BRWD1: variants seen among roughly 807,000 people sequenced by gnomAD.
BRWD1 encodes bromodomain and WD repeat domain containing 1.
In BRWD1, 82 loss-of-function variants were observed where a neutral mutation model predicts 251.2. The observed-to-expected ratio is 0.33, with a 90% confidence interval of 0.27 to 0.39. The LOEUF is 0.39. Ranked by LOEUF, BRWD1 falls within the 10% of genes least tolerant of loss-of-function variation. BRWD1 has a pLI of 1.00. For synonymous variants in BRWD1, 918 were observed against 902.8 expected, an observed-to-expected ratio of 1.02 and a Z score of -0.30; for missense variants, 2,233 against 2,711.6, an observed-to-expected ratio of 0.82 and a Z score of 3.92.
intron 13 of BRWD1, among the ~76,000 whole-genome samples, chr21:39,271,691 C>A (rs1372957109): frequency 1.5e-5 from 1 of 68,062 alleles, no homozygotes; most frequent in Non-Finnish European, 2.6e-5. Context: ...AGCAAGACTC[C>A]GTCTCAAAAA....
In BRWD1 at chr21:39,188,735, T is replaced by C; in HGVS notation, c.*7524A>G. 3 of 985,406 alleles carry C rather than the reference T, an allele frequency of 3.0e-6. No homozygotes were observed. Among genetic ancestry groups the C allele is most frequent in the Non-Finnish European group, 3.6e-6 (3 of 829,912 alleles). 61.0% of individuals were successfully genotyped at this position (985,406 alleles called of 1,614,324 possible). ...ACACTTCTCTAAGATCAGTTGAGCGTTCTCCCCAGAATAGGTTAGGAAATA... is the reference window on the plus strand; with the variant it reads ...ACACTTCTCTAAGATCAGTTGAGCGCTCTCCCCAGAATAGGTTAGGAAATA... On this transcript the variant is annotated 3_prime_UTR_variant, in exon 41 of 41. Transcript: ENST00000342449.
chr21:39,273,003 CAATT>C (rs915385817), intron 13 of BRWD1, among the ~76,000 whole-genome samples: 2 of 152,156 alleles, frequency 1.3e-5, no homozygotes, highest in African/African-American at 4.8e-5. Context: ...ACAGATCAAT[CAATT>C]CTTACATACA....
chr21:39,283,958 C>T lies in BRWD1; in HGVS notation c.832-3710G>A, dbSNP rs148064704. On this transcript the variant is annotated intron_variant, in intron 8 of 40. Coordinates refer to ENST00000342449, the MANE Select transcript of BRWD1 (RefSeq NM_033656.4). ...TCTTTGGCCTAGGATTTTAGGATTC[C>T]GTGCTACAATCTCATGTGTCTACTT... Among the ~76,000 whole-genome samples the T allele has an allele frequency of 2.9e-3, 439 of 152,168 alleles. 2 individuals are homozygous for T. Among genetic ancestry groups the T allele is most frequent in the African/African-American group, 0.01 (416 of 41,534 alleles).
In BRWD1 at chr21:39,292,094, A is replaced by G. The variant is rs1011185766; in HGVS notation, c.831+1717T>C. Among the ~76,000 whole-genome samples the G allele has an allele frequency of 2.9e-5, 3 of 105,024 alleles. No homozygotes were observed. In the Admixed American group the frequency reaches 4.4e-4, roughly 15 times the overall value. 68.9% of individuals were successfully genotyped at this position (105,024 alleles called of 152,430 possible). Reference sequence around the variant, plus strand: ...AGTACCGAGACTACAGGCGTGTGCTACCTTGCCAAACTATTTTTTGTGGGG... The same window carrying G: ...AGTACCGAGACTACAGGCGTGTGCTGCCTTGCCAAACTATTTTTTGTGGGG... On this transcript the variant is annotated intron_variant, in intron 8 of 40. Coordinates refer to ENST00000342449, the MANE Select transcript of BRWD1 (RefSeq NM_033656.4).
At chr21:39,305,506 C>G (rs1601505002) in intron 4 of BRWD1, among the ~76,000 whole-genome samples, 1 of 152,264 alleles carries the variant, frequency 6.6e-6, no homozygotes, top group African/African-American at 2.4e-5. Flanking sequence ...GTCGGTGGAT[C>G]ACCTGAGGTC....
chr21:39,188,752 T>A lies in BRWD1; in HGVS notation c.*7507A>T. The A allele has an allele frequency of 1.0e-6, 1 of 985,324 alleles. No homozygotes were observed. The highest frequency in any genetic ancestry group is 1.1e-4 in the East Asian group (1 of 8,814). 61.0% of individuals were successfully genotyped at this position (985,324 alleles called of 1,614,324 possible). On this transcript the variant is annotated 3_prime_UTR_variant, in exon 41 of 41. Coordinates refer to ENST00000342449, the MANE Select transcript of BRWD1 (RefSeq NM_033656.4). ...GTTGAGCGTTCTCCCCAGAATAGGT[T>A]AGGAAATACTTTATTCAAAGCAACC...
In BRWD1 at chr21:39,278,568, G is replaced by A. The variant is rs187837915; in HGVS notation, c.1003+175C>T. On this transcript the variant is annotated intron_variant, in intron 10 of 40. Transcript: ENST00000342449. ...TACTACCAGAAATCAGAGAAAGGCA[G>A]ACTGGAGGACTGGAAGAACAAGGCT... 699 of 530,064 alleles carry A rather than the reference G, an allele frequency of 1.3e-3. 5 individuals are homozygous for A. Among genetic ancestry groups the A allele is most frequent in the Middle Eastern group, 4.1e-3 (8 of 1,952 alleles). 32.8% of individuals were successfully genotyped at this position (530,064 alleles called of 1,614,324 possible).
At chr21:39,270,082 T>C (rs760542442) in intron 14 of BRWD1, 49 bp from the exon 15 acceptor site, 3 of 1,450,838 alleles carry the variant, frequency 2.1e-6, no homozygotes, top group African/African-American at 1.4e-5. Context: ...AAGTTACAAA[T>C]TGAAAATTTA....
rs2035357723 is a variant in BRWD1 at position 39,278,772 on chromosome 21, A to G, written c.974T>C (p.Val325Ala). 6.3e-7 allele frequency: 1 copy of G among 1,594,386 alleles called. No homozygotes were observed. Among genetic ancestry groups the G allele is most frequent in the African/African-American group, 1.4e-5 (1 of 73,566 alleles). ...ACTAAAAGAAGAACAAAGCATTTGA[A>G]CGCCTGGCCTAGGCTTTTCAGTGAA... The part of the protein sequence containing the change: ...LKFTEKPRPG[V>A]QMLCSSFSVG... Residue 325 changes from valine (V) to alanine (A), a missense_variant, in exon 10 of 41, where the codon GTT becomes GCT. Coordinates refer to ENST00000342449, the MANE Select transcript of BRWD1 (RefSeq NM_033656.4).
At chr21:39,244,921 A>AATATATATATACATATATAT (rs1555859653) in intron 21 of BRWD1, among the ~76,000 whole-genome samples, 1 of 112,524 alleles carries the variant, frequency 8.9e-6, no homozygotes, top group African/African-American at 3.0e-5. Flanking sequence ...CTTTGGAAGA[A>AATATATATATACATATATAT]ATATATATAT....
chr21:39,281,308 G>C (rs1306371591), intron 8 of BRWD1, among the ~76,000 whole-genome samples: 2 of 152,200 alleles, frequency 1.3e-5, no homozygotes, highest in African/African-American at 2.4e-5. Flanking sequence ...AGGGAACCCA[G>C]TTAATCTAAG....
chr21:39,302,138 C>T (rs1233326332), intron 4 of BRWD1, among the ~76,000 whole-genome samples: 1 of 151,836 alleles, frequency 6.6e-6, no homozygotes, highest in East Asian at 1.9e-4. Context: ...CACACGCCAC[C>T]ACACCCAGCT....
At chr21:39,226,494 TCA>T (rs1568888063) in intron 27 of BRWD1, among the ~76,000 whole-genome samples, 1 of 152,168 alleles carries the variant, frequency 6.6e-6, no homozygotes, top group Non-Finnish European at 1.5e-5. Context: ...TGTAGATAAT[TCA>T]GTTTTAAAAA....
At chr21:39,314,614 C>T (rs767683117), upstream of BRWD1, 8 of 340,838 alleles carry the variant, frequency 2.3e-5, no homozygotes, top group Non-Finnish European at 4.1e-5. Flanking sequence ...CTATGAGTTT[C>T]CTCCGCGCAT....
chr21:39,215,524 T>C (rs766812564), intron 31 of BRWD1, among the ~76,000 whole-genome samples, 162 bp from the exon 32 acceptor site: 1 of 152,208 alleles, frequency 6.6e-6, no homozygotes, highest in Admixed American at 6.5e-5. Context: ...ATCATAGTCA[T>C]AGGCAATACA....
At chr21:39,256,581 C>T (rs1223676309) in intron 18 of BRWD1, among the ~76,000 whole-genome samples, 2 of 152,202 alleles carry the variant, frequency 1.3e-5, no homozygotes, top group African/African-American at 4.8e-5. Context: ...GGAGGCTGCG[C>T]AACCTCCCAT....
chr21:39,315,834 G>T (rs777542505), upstream of BRWD1: 1 of 152,100 alleles, frequency 6.6e-6, no homozygotes, highest in Non-Finnish European at 1.5e-5. Context: ...ATAATGACAC[G>T]ATTTAGGGCA....
intron 27 of BRWD1, 97 bp from the exon 28 acceptor site, chr21:39,225,294 C>CA: frequency 3.3e-6 from 2 of 612,684 alleles, no homozygotes; most frequent in Non-Finnish European, 5.4e-6. Context: ...ATAAAAAAGC[C>CA]AAAAGCACAA....
chr21:39,195,285 C>T lies in BRWD1; in HGVS notation c.*974G>A. ...GCAATTGTACTCTTAACAAAACTCA[C>T]CTCTACAATTGGAATACAGATGGGG... On this transcript the variant is annotated 3_prime_UTR_variant, in exon 41 of 41. Coordinates refer to ENST00000342449, the MANE Select transcript of BRWD1 (RefSeq NM_033656.4). 1 of 1,006,416 alleles carries T rather than the reference C, an allele frequency of 9.9e-7. No homozygotes were observed. The highest frequency in any genetic ancestry group is 1.2e-6 in the Non-Finnish European group (1 of 843,456). The allele number at this position is 1,006,416 out of a possible 1,614,324, so 62.3% of individuals were successfully genotyped here.
Sources: allele counts gnomAD v4.1 joint callset (sites outside exome capture counted in the v4.1 genomes callset), GRCh38; gene constraint gnomAD v4.1.1; transcripts MANE v1.5; gene names NCBI Gene and HGNC (gene_info 2026-07-23, HGNC 2026-07-21).